The following AKAP13 variants were observed in gnomAD, a reference collection of about 807,000 sequenced individuals.
AKAP13 encodes A-kinase anchor protein 13.
Under a neutral mutation model 264.5 loss-of-function variants are expected in AKAP13, and 80 were observed. The ratio of observed to expected loss-of-function variants is 0.30; its 90% CI spans 0.25 to 0.36. The LOEUF (loss-of-function observed/expected upper bound fraction) is 0.36, where lower values mean the gene tolerates loss of function less well. Among genes scored for constraint, AKAP13 ranks in the 10% least tolerant of loss-of-function variants. The pLI, the probability that AKAP13 is intolerant of heterozygous loss-of-function variation, is 1.00. For synonymous variants in AKAP13, 1,380 were observed against 1,250.2 expected (o/e 1.10, Z -2.19); for missense variants, 3,712 against 3,435.2 (o/e 1.08, Z -2.01).
chr15:85,740,477 G>A (rs1007640565), intron 34 of AKAP13: 19 of 565,826 alleles, frequency 3.4e-5, no homozygotes, highest in Middle Eastern at 4.7e-4. Flanking sequence ...CTGGTGTGCC[G>A]TAGGCATGGC....
At chr15:85,726,294 G>T in intron 26 of AKAP13, 116 bp from the exon 27 acceptor site, 2 of 663,644 alleles carry the variant, frequency 3.0e-6, no homozygotes, top group Admixed American at 2.8e-5. Flanking sequence ...ATCATAGTTT[G>T]CCCGTATAGG....
Position 85,595,676 on chromosome 15 carries a change from T to C in AKAP13, c.4161+9853T>C, listed in dbSNP as rs1295351963. On this transcript the variant is annotated intron_variant, in intron 8 of 36. Transcript: ENST00000394518. Reference sequence around the variant, plus strand: ...GTCTATTGGCAAGAACAGGGATAGCTTCAGGGAGCCATTGATATGCTTTCC... The same window carrying C: ...GTCTATTGGCAAGAACAGGGATAGCCTCAGGGAGCCATTGATATGCTTTCC... Among the ~76,000 whole-genome samples, 2 of 152,174 alleles carry C rather than the reference T, an allele frequency of 1.3e-5. 1 individual carries two copies.
chr15:85,428,450 C>T (rs1237994513), intron 1 of AKAP13, among the ~76,000 whole-genome samples: 2 of 152,212 alleles, frequency 1.3e-5, no homozygotes, highest in East Asian at 1.9e-4. Flanking sequence ...CTGCCTGCCT[C>T]GGCCTCCCAA....
intron 3 of AKAP13, among the ~76,000 whole-genome samples, chr15:85,522,029 C>T (rs1596411728): frequency 6.6e-6 from 1 of 152,078 alleles, no homozygotes; most frequent in Non-Finnish European, 1.5e-5. Flanking sequence ...CCTTGTAACC[C>T]ACAGCTCCAG....
chr15:85,602,222 C>T (rs976308800), intron 8 of AKAP13, among the ~76,000 whole-genome samples: 4 of 152,116 alleles, frequency 2.6e-5, no homozygotes, highest in Non-Finnish European at 4.4e-5. Context: ...GTCATCCAGG[C>T]TGGAGTGCGG....
intron 1 of AKAP13, among the ~76,000 whole-genome samples, chr15:85,393,571 A>G (rs948802798): frequency 6.6e-6 from 1 of 152,216 alleles, no homozygotes; most frequent in East Asian, 1.9e-4. Context: ...GAAAAAGTAA[A>G]GTTACTATAA....
At position 85,380,796 on chromosome 15, in the gene AKAP13, A is replaced by C. The variant is rs1039310130; in HGVS notation, c.-14A>C. On this transcript the variant is annotated splice_region_variant and 5_prime_UTR_variant, in exon 1 of 37. Transcript: ENST00000394518. The stretch of plus-strand genomic sequence containing the variant: ...CCCGCGGGGGAGCCCCGGGAGCCGC[A>C]CGGTGAGAGCGCAACTTAGTTGGCG... 1 of 152,596 alleles carries C rather than the reference A, an allele frequency of 6.6e-6. No individual in the cohort carries two copies. Among genetic ancestry groups the C allele is most frequent in the Admixed American group, 6.5e-5 (1 of 15,290 alleles). The allele number at this position is 152,596 out of a possible 1,614,324, so 9.5% of individuals were successfully genotyped here. A position where few individuals can be genotyped will look rare whatever the true frequency, so the allele number is the denominator to read the frequency against.
intron 1 of AKAP13, among the ~76,000 whole-genome samples, chr15:85,409,626 GT>G (rs1333608342): frequency 0.096 from 12,489 of 129,776 alleles, 792 homozygotes; most frequent in African/African-American, 0.25. Flanking sequence ...GCTAGTAGTA[GT>G]TTTTTTTTTT....
At chr15:85,664,365 A>T (rs188834218) in intron 12 of AKAP13, among the ~76,000 whole-genome samples, 198 bp from the exon 13 acceptor site, 2 of 152,366 alleles carry the variant, frequency 1.3e-5, no homozygotes, top group Admixed American at 1.3e-4. Flanking sequence ...ATCTAAGTGC[A>T]GTATTCTTTC....
At chr15:85,481,802 G>A (rs771552946) in intron 1 of AKAP13, among the ~76,000 whole-genome samples, 1 of 152,196 alleles carries the variant, frequency 6.6e-6, no homozygotes, top group Non-Finnish European at 1.5e-5. Context: ...TTGTCCCTGT[G>A]TTACATGAAA....
chr15:85,663,522 G>C (rs1249261198), intron 12 of AKAP13, among the ~76,000 whole-genome samples: 1 of 152,114 alleles, frequency 6.6e-6, no homozygotes, highest in African/African-American at 2.4e-5. Context: ...ACAAGTCCTG[G>C]ACTGGTAGGT....
At position 85,727,240 on chromosome 15, in the gene AKAP13, A is replaced by G; in HGVS notation, c.6997A>G (p.Asn2333Asp). Reference sequence around the variant, plus strand: ...GATTCAGATCATTCAGGACACAATCAACACCCTGTAAGTTAACCACCAGGC... The same window carrying G: ...GATTCAGATCATTCAGGACACAATCGACACCCTGTAAGTTAACCACCAGGC... ...SWIQIIQDTI[N>D]TLNRDEDEGI... Residue 2333 changes from asparagine to aspartate, a missense_variant, in exon 28 of 37, where the codon AAC becomes GAC. This residue lies in a region of AKAP13 where 342 missense variants were observed against 484.3 expected (regional missense o/e 0.71). Transcript: ENST00000394518. This position sits in a 1 kb window ranked among gnomAD's most constrained non-coding sequence, Gnocchi z 5.3. 1 of 1,614,188 alleles carries G rather than the reference A, an allele frequency of 6.2e-7. No homozygotes were observed. The highest frequency in any genetic ancestry group is 8.5e-7 in the Non-Finnish European group (1 of 1,180,020).
At position 85,575,442 on chromosome 15, in the gene AKAP13, C is replaced by G. The variant is rs1337042147; in HGVS notation, c.861+113C>G. The G allele has an allele frequency of 2.7e-6, 3 of 1,117,738 alleles. No individual in the cohort carries two copies. The East Asian group carries it at 7.4e-5, about 28-fold the overall frequency. The allele number at this position is 1,117,738 out of a possible 1,614,324, so 69.2% of individuals were successfully genotyped here. A position where few individuals can be genotyped will look rare whatever the true frequency, so the allele number is the denominator to read the frequency against. On this transcript the variant is annotated intron_variant, in intron 6 of 36. Coordinates refer to ENST00000394518, the MANE Select transcript of AKAP13 (RefSeq NM_007200.5). ...TTGATATAATTAGAACATAAAAATG[C>G]TTTCCTGGTGGGAGGCTGAGACGGG...
intron 3 of AKAP13, among the ~76,000 whole-genome samples, chr15:85,528,953 TTG>T (rs1384229864): frequency 6.6e-6 from 1 of 152,228 alleles, no homozygotes; most frequent in Non-Finnish European, 1.5e-5. Flanking sequence ...TTTTCCTTTC[TTG>T]TTACCAGGAA....
chr15:85,506,678 A>G (rs965197803), intron 2 of AKAP13, among the ~76,000 whole-genome samples: 2 of 152,230 alleles, frequency 1.3e-5, no homozygotes, highest in Non-Finnish European at 2.9e-5. Context: ...GGATGACCTC[A>G]CTGCTAAGGG....
chr15:85,436,869 A>G (rs2073325780), intron 1 of AKAP13, among the ~76,000 whole-genome samples: 1 of 152,178 alleles, frequency 6.6e-6, no homozygotes, highest in South Asian at 2.1e-4. Context: ...AAAGCAGGAA[A>G]GATCCAAAAT....
At chr15:85,621,166 T>G (rs2081169562) in intron 8 of AKAP13, 1 of 152,208 alleles carries the variant, frequency 6.6e-6, no homozygotes, top group African/African-American at 2.4e-5. Context: ...TTTTCGATTT[T>G]TTTCTTTGGT....
intron 36 of AKAP13, chr15:85,744,268 C>A (rs542364490): frequency 1.2e-4 from 37 of 308,278 alleles, no homozygotes; most frequent in African/African-American, 7.8e-4. Context: ...GGCCACAGAG[C>A]CTGCGGCTGA....
chr15:85,713,362 C>T (rs775707514), intron 19 of AKAP13, among the ~76,000 whole-genome samples: 1 of 152,114 alleles, frequency 6.6e-6, no homozygotes, highest in Non-Finnish European at 1.5e-5. Flanking sequence ...TGCCTTCATT[C>T]CATGGTTCTT....
Sources: gnomAD v4.1 joint callset for allele counts (sites outside exome capture counted in the v4.1 genomes callset) on GRCh38, gnomAD v4.1.1 for gene constraint, gnomAD v4.1.1 regional missense constraint, Gnocchi (gnomAD v3.1) non-coding constraint, MANE v1.5 for transcripts, NCBI Gene and HGNC (gene_info 2026-07-23, HGNC 2026-07-21) for gene names.